GMDS: variants seen among roughly 807,000 people sequenced by gnomAD.
GMDS encodes the protein GDP-mannose 4,6 dehydratase.
GMDS carries 20 observed loss-of-function variants against 49.9 expected under a neutral mutation model. That is an observed-to-expected ratio of 0.40 (90% CI 0.28 to 0.58). The LOEUF (loss-of-function observed/expected upper bound fraction) is 0.58. Ranked by LOEUF, GMDS falls within the 20% of genes least tolerant of loss-of-function variation. The pLI, the probability that GMDS is intolerant of heterozygous loss-of-function variation, is 0.42. For synonymous variants in GMDS, 177 were observed against 178.6 expected, an observed-to-expected ratio of 0.99 and a Z score of 0.07; for missense variants, 362 against 481.4, an observed-to-expected ratio of 0.75 and a Z score of 2.32.
intron 1 of GMDS, among the ~76,000 whole-genome samples, chr6:2,201,615 T>G (rs1779537997): frequency 2.3e-5 from 3 of 130,794 alleles, no homozygotes; most frequent in South Asian, 6.0e-4. Context: ...GAACACCACA[T>G]GGACATCCGA....
At chr6:1,999,949 A>G (rs1297498627) in intron 4 of GMDS, among the ~76,000 whole-genome samples, 3 of 36,514 alleles carry the variant, frequency 8.2e-5, no homozygotes, top group South Asian at 8.8e-4. Flanking sequence ...TATAATATAT[A>G]ATATGTATAT....
intron 1 of GMDS, among the ~76,000 whole-genome samples, chr6:2,204,950 A>G (rs1561655990): frequency 6.6e-6 from 1 of 152,216 alleles, no homozygotes; most frequent in African/African-American, 2.4e-5. Flanking sequence ...TTGTTTCTGT[A>G]ACAAAAGTCA....
chr6:1,916,241 C>T (rs1384413245), intron 7 of GMDS, among the ~76,000 whole-genome samples: 1 of 152,036 alleles, frequency 6.6e-6, no homozygotes, highest in Non-Finnish European at 1.5e-5. Flanking sequence ...GTAGCACGCC[C>T]ACAGTGACCA....
intron 7 of GMDS, among the ~76,000 whole-genome samples, chr6:1,743,542 CAA>C (rs5873811): frequency 0.46 from 54,015 of 116,188 alleles, 11,455 homozygotes; most frequent in East Asian, 0.66. Context: ...GACTCCATCT[CAA>C]AAAAAAAAAA....
chr6:1,920,475 G>C (rs1761660524), intron 7 of GMDS, among the ~76,000 whole-genome samples: 1 of 152,220 alleles, frequency 6.6e-6, no homozygotes, highest in African/African-American at 2.4e-5. Flanking sequence ...AAGAGAGATA[G>C]AGTGATTAAC....
At chr6:2,074,218 G>C (rs1027383764) in intron 4 of GMDS, among the ~76,000 whole-genome samples, 1 of 152,014 alleles carries the variant, frequency 6.6e-6, no homozygotes, top group Non-Finnish European at 1.5e-5. Flanking sequence ...TTCTAACTGG[G>C]GTAAGATGAT....
At chr6:1,718,110 T>C (rs1766235639) in intron 9 of GMDS, among the ~76,000 whole-genome samples, 1 of 152,166 alleles carries the variant, frequency 6.6e-6, no homozygotes. Flanking sequence ...CGAATTTGCC[T>C]GGCTCTGCGA....
At chr6:1,749,658 T>C (rs540550020) in intron 7 of GMDS, among the ~76,000 whole-genome samples, 36 of 152,302 alleles carry the variant, frequency 2.4e-4, no homozygotes, top group African/African-American at 7.9e-4. Context: ...CTTGCCACTG[T>C]GTAGTGTACA....
chr6:1,903,326 G>T (rs1760595892), intron 7 of GMDS, among the ~76,000 whole-genome samples: 1 of 152,174 alleles, frequency 6.6e-6, no homozygotes, highest in African/African-American at 2.4e-5. Flanking sequence ...TGCACATACG[G>T]AGAATTAATG....
At chr6:1,895,768 C>T (rs1017626470) in intron 7 of GMDS, among the ~76,000 whole-genome samples, 2 of 152,140 alleles carry the variant, frequency 1.3e-5, no homozygotes, top group African/African-American at 4.8e-5. Flanking sequence ...GTACATAGTT[C>T]TCAGTTTACT....
At chr6:1,728,565 T>A (rs1368634493) in intron 8 of GMDS, among the ~76,000 whole-genome samples, 1 of 152,248 alleles carries the variant, frequency 6.6e-6, no homozygotes, top group Non-Finnish European at 1.5e-5. Context: ...CCATGAGAAC[T>A]GGTGATTCAA....
At chr6:1,776,279 C>A (rs1768830734) in intron 7 of GMDS, among the ~76,000 whole-genome samples, 1 of 152,152 alleles carries the variant, frequency 6.6e-6, no homozygotes, top group Non-Finnish European at 1.5e-5. Flanking sequence ...ACAAACGATG[C>A]AAAAATACAT....
chr6:1,688,358 C>T (rs1765057701), intron 9 of GMDS, among the ~76,000 whole-genome samples: 1 of 152,252 alleles, frequency 6.6e-6, no homozygotes. Context: ...CTCGTGGAAA[C>T]CCCGCACCTT....
intron 1 of GMDS, 74 bp downstream of exon 1, chr6:2,245,247 A>C (rs138853519): frequency 4.8e-6 from 5 of 1,040,830 alleles, no homozygotes; most frequent in African/African-American, 3.2e-5. Flanking sequence ...ACCGCAGCCC[A>C]CGAGTAGCGG....
At chr6:1,974,086 C>T (rs915089494) in intron 4 of GMDS, among the ~76,000 whole-genome samples, 13 of 151,810 alleles carry the variant, frequency 8.6e-5, no homozygotes, top group East Asian at 1.9e-4. Context: ...TTCCTCACCT[C>T]GATTTCTCTT....
chr6:2,104,142 C>T (rs1230932645), intron 4 of GMDS, among the ~76,000 whole-genome samples: 2 of 152,192 alleles, frequency 1.3e-5, no homozygotes, highest in Non-Finnish European at 2.9e-5. Flanking sequence ...TTCTCTTTTA[C>T]TTCCCTCTGG....
intron 4 of GMDS, among the ~76,000 whole-genome samples, chr6:2,026,735 T>C (rs1330406841): frequency 6.6e-6 from 1 of 152,216 alleles, no homozygotes; most frequent in Non-Finnish European, 1.5e-5. Flanking sequence ...GTGAACTTCA[T>C]AGAACCCAGT....
At chr6:1,995,481 T>A (rs910418393) in intron 4 of GMDS, among the ~76,000 whole-genome samples, 7 of 149,722 alleles carry the variant, frequency 4.7e-5, no homozygotes, top group South Asian at 2.2e-4. Context: ...CAGTATTCCA[T>A]CCCTGTGTTG....
chr6:2,181,159 A>G (rs987907145), intron 1 of GMDS, among the ~76,000 whole-genome samples: 1 of 139,846 alleles, frequency 7.2e-6, no homozygotes, highest in African/African-American at 2.9e-5. Context: ...TGGGTGACAG[A>G]GCGAGACTCC....
Sources: allele counts gnomAD v4.1 joint callset (sites outside exome capture counted in the v4.1 genomes callset), GRCh38; gene constraint gnomAD v4.1.1; transcripts MANE v1.5; gene names NCBI Gene and HGNC (gene_info 2026-07-23, HGNC 2026-07-21).